Variants in THADA observed in about 807,000 individuals in gnomAD.
THADA encodes the protein tRNA (32-2'-O)-methyltransferase regulator THADA.
Under a neutral mutation model 219.8 loss-of-function variants are expected in THADA, and 213 were observed. The ratio of observed to expected loss-of-function variants is 0.97; its 90% CI spans 0.87 to 1.09. The LOEUF is 1.09. Ranked by LOEUF, THADA falls within the 50% of genes least tolerant of loss-of-function variation. THADA has a pLI of 0.00. For missense variants in THADA, 2,956 were observed against 2,311.3 expected (o/e 1.28, Z -5.72); for synonymous variants, 1,018 against 828.9 (o/e 1.23, Z -3.92).
At chr2:43,408,618 A>C (rs150916089) in intron 28 of THADA, among the ~76,000 whole-genome samples, 25 of 152,298 alleles carry the variant, frequency 1.6e-4, no homozygotes, top group African/African-American at 6.0e-4. Context: ...GACATCCTCA[A>C]ATTAAAATAT....
chr2:43,269,102 A>G (rs905620245), intron 36 of THADA, among the ~76,000 whole-genome samples: 1 of 152,228 alleles, frequency 6.6e-6, no homozygotes, highest in Non-Finnish European at 1.5e-5. Flanking sequence ...AGGAAAGCAC[A>G]GAAGAGGAGA....
intron 26 of THADA, among the ~76,000 whole-genome samples, chr2:43,462,722 T>C (rs1161481476): frequency 6.6e-6 from 1 of 152,146 alleles, no homozygotes; most frequent in Non-Finnish European, 1.5e-5. Flanking sequence ...TTTGCGGGGA[T>C]ACAAAGATGA....
At chr2:43,381,475 G>A (rs144380783) in intron 29 of THADA, among the ~76,000 whole-genome samples, 77 of 152,226 alleles carry the variant, frequency 5.1e-4, no homozygotes, top group African/African-American at 1.7e-3. Context: ...ATTCCAAAGA[G>A]TAGAGTATGG....
At chr2:43,430,091 A>C (rs1484709822) in intron 27 of THADA, 122 bp downstream of exon 27, 1 of 516,664 alleles carries the variant, frequency 1.9e-6, no homozygotes, top group Non-Finnish European at 3.3e-6. Flanking sequence ...CAAGGAAAAA[A>C]TTTAAACAAA....
intron 26 of THADA, among the ~76,000 whole-genome samples, chr2:43,450,751 G>C (rs1027006052): frequency 6.6e-6 from 1 of 152,106 alleles, no homozygotes; most frequent in Non-Finnish European, 1.5e-5. Flanking sequence ...TTTAGCTCTA[G>C]GGACACAAAT....
chr2:43,314,871 T>C (rs756927093), intron 31 of THADA, among the ~76,000 whole-genome samples: 2 of 152,214 alleles, frequency 1.3e-5, no homozygotes, highest in Admixed American at 6.5e-5. Flanking sequence ...GATTTGAAAA[T>C]TTTAAAACCT....
intron 22 of THADA, among the ~76,000 whole-genome samples, chr2:43,513,597 G>C (rs1690781056): frequency 1.3e-5 from 2 of 152,140 alleles, no homozygotes; most frequent in African/African-American, 4.8e-5. Context: ...TCAGTGACTA[G>C]ATCTATGATA....
chr2:43,519,963 C>G (rs1438450143), intron 22 of THADA, among the ~76,000 whole-genome samples: 3 of 152,166 alleles, frequency 2.0e-5, no homozygotes, highest in Non-Finnish European at 4.4e-5. Context: ...TTTCAAAACT[C>G]CAGGGTTGCT....
At chr2:43,567,192 C>G (rs764015570) in intron 14 of THADA, among the ~76,000 whole-genome samples, 1 of 151,894 alleles carries the variant, frequency 6.6e-6, no homozygotes, top group Admixed American at 6.6e-5. Flanking sequence ...GACATGCAAC[C>G]CTGGGGAATT....
At chr2:43,553,649 G>C (rs1391012343) in intron 17 of THADA, among the ~76,000 whole-genome samples, 1 of 152,214 alleles carries the variant, frequency 6.6e-6, no homozygotes, top group Non-Finnish European at 1.5e-5. Context: ...TGGAACTGCA[G>C]GGTCACATGG....
chr2:43,425,846 G>A (rs1678360255), intron 28 of THADA, among the ~76,000 whole-genome samples: 1 of 152,154 alleles, frequency 6.6e-6, no homozygotes, highest in African/African-American at 2.4e-5. Context: ...AGCAAGCAAG[G>A]CAGTTACAGA....
chr2:43,404,774 CT>C (rs763989963), intron 28 of THADA, among the ~76,000 whole-genome samples: 20 of 150,342 alleles, frequency 1.3e-4, no homozygotes, highest in Non-Finnish European at 2.2e-4. Context: ...AAGTTTACAT[CT>C]GAGTTCTGAC....
At chr2:43,361,400 T>C (rs1669509261) in intron 29 of THADA, among the ~76,000 whole-genome samples, 2 of 152,230 alleles carry the variant, frequency 1.3e-5, no homozygotes, top group South Asian at 4.1e-4. Flanking sequence ...CTCTTATTAA[T>C]GAATGGCATA....
intron 36 of THADA, among the ~76,000 whole-genome samples, chr2:43,266,363 G>A (rs563736663): frequency 7.2e-5 from 11 of 152,316 alleles, no homozygotes; most frequent in African/African-American, 9.6e-5. Context: ...AGGCCGAGGC[G>A]GGCGGATCAC....
intron 26 of THADA, among the ~76,000 whole-genome samples, chr2:43,469,342 A>T (rs1432276479): frequency 6.6e-6 from 1 of 152,232 alleles, no homozygotes; most frequent in Non-Finnish European, 1.5e-5. Flanking sequence ...ATAACAGCAG[A>T]TAAGGTGAAA....
chr2:43,440,592 T>A (rs1342943938), intron 26 of THADA, among the ~76,000 whole-genome samples: 1 of 152,182 alleles, frequency 6.6e-6, no homozygotes, highest in African/African-American at 2.4e-5. Context: ...CACTTAAAGG[T>A]AAATCTTTGA....
intron 36 of THADA, among the ~76,000 whole-genome samples, chr2:43,262,792 A>G (rs1671106873): frequency 6.6e-6 from 1 of 152,262 alleles, no homozygotes; most frequent in South Asian, 2.1e-4. Flanking sequence ...CTGTGTCAGC[A>G]TCACTGGGGA....
rs777531225 is a variant in THADA, at chr2:43,508,658, A to C, written c.3497T>G (p.Phe1166Cys). ...CCTACAGATAAATACCTGTATGTAGAAAGGAATTCCAGCACTGCGCCTTGT... is the reference window on the plus strand; with the variant it reads ...CCTACAGATAAATACCTGTATGTAGCAAGGAATTCCAGCACTGCGCCTTGT... ...CATRRSAGIP[F>C]YIQALLASEP... The change falls in exon 23 of 38, where the codon TTC (phenylalanine) becomes TGC (cysteine). Residue 1166 changes from phenylalanine (F) to cysteine (C), a missense_variant. By Grantham distance (205) the Phe-to-Cys change is radical. Transcript: ENST00000405975. 7 of 1,613,288 alleles carry C rather than the reference A, an allele frequency of 4.3e-6. No homozygotes were observed. In the South Asian group the frequency reaches 6.6e-5, roughly 15 times the overall value.
chr2:43,456,374 G>C (rs1187872440), intron 26 of THADA, among the ~76,000 whole-genome samples: 1 of 152,098 alleles, frequency 6.6e-6, no homozygotes, highest in Non-Finnish European at 1.5e-5. Flanking sequence ...CTACATCATG[G>C]AATAGAATGT....
Sources: gnomAD v4.1 joint callset for allele counts (sites outside exome capture counted in the v4.1 genomes callset) on GRCh38, gnomAD v4.1.1 for gene constraint, MANE v1.5 for transcripts, NCBI Gene and HGNC (gene_info 2026-07-23, HGNC 2026-07-21) for gene names.